FLT1: variants seen among roughly 807,000 people sequenced by gnomAD.
The protein encoded by FLT1 is vascular endothelial growth factor receptor 1.
FLT1 carries 49 observed loss-of-function variants against 156.3 expected under a neutral mutation model. That is an observed-to-expected ratio of 0.31 (90% CI 0.25 to 0.40). The LOEUF (loss-of-function observed/expected upper bound fraction) is 0.40, where lower values mean the gene tolerates loss of function less well. FLT1 is among the 10% of genes least tolerant of loss of function. The probability of loss-of-function intolerance (pLI) is 1.00; values close to 1 mark genes in which losing one functional copy is unlikely to be tolerated. For synonymous variants in FLT1, 594 were observed against 583.8 expected (o/e 1.02, Z -0.25); for missense variants, 1,322 against 1,637.2 (o/e 0.81, Z 3.32).
chr13:28,360,933 A>G, intron 14 of FLT1, among the ~76,000 whole-genome samples: 1 of 152,276 alleles, frequency 6.6e-6, no homozygotes. Context: ...TAATATTAAA[A>G]CATCACACTG....
chr13:28,445,685 C>G (rs950404058), intron 3 of FLT1, among the ~76,000 whole-genome samples: 1 of 152,090 alleles, frequency 6.6e-6, no homozygotes, highest in Non-Finnish European at 1.5e-5. Flanking sequence ...ACAACAACAA[C>G]AAGCTGCTCA....
At chr13:28,368,990 C>A (rs1052441951) in intron 14 of FLT1, among the ~76,000 whole-genome samples, 2 of 152,030 alleles carry the variant, frequency 1.3e-5, no homozygotes, top group African/African-American at 4.8e-5. Context: ...CAGGTGTGAG[C>A]CACTGTGCCT....
In FLT1 at chr13:28,442,701, TACACACACAC is replaced by T. The variant is rs111263665; in HGVS notation, c.389-4366_389-4357del. Among the ~76,000 whole-genome samples, 14 of 147,008 alleles carry T rather than the reference TACACACACAC, an allele frequency of 9.5e-5. 1 individual carries two copies. The South Asian group carries it at 1.5e-3, about 16-fold the overall frequency. On this transcript the variant is annotated intron_variant, in intron 3 of 29. Coordinates refer to ENST00000282397, the MANE Select transcript of FLT1 (RefSeq NM_002019.4). The stretch of plus-strand genomic sequence containing the variant: ...TTGCAAATGAGCATATGACTGTAGA[TACACACACAC>T]ACACACACACACACACACACACGAA...
rs2137491972 is a variant in FLT1, at chr13:28,405,796, A to T, written c.1535T>A (p.Ile512Lys). ...IESITQRMAI[I>K]EGKNKMASTL... ...AAACAATACCTTATTCTTTCCTTCTATTATTGCCATGCGCTGAGTGATGCT... is the reference window on the plus strand; with the variant it reads ...AAACAATACCTTATTCTTTCCTTCTTTTATTGCCATGCGCTGAGTGATGCT... The change falls in exon 11 of 30, where the codon ATA becomes AAA. Residue 512 changes from isoleucine to lysine, a missense_variant. Coordinates refer to ENST00000282397, the MANE Select transcript of FLT1 (RefSeq NM_002019.4). 6.3e-7 allele frequency: 1 copy of T among 1,583,576 alleles called. No homozygotes were observed. Among genetic ancestry groups the T allele is most frequent in the Non-Finnish European group, 8.7e-7 (1 of 1,152,626 alleles).
At chr13:28,419,700 A>C (rs1876881525) in intron 10 of FLT1, among the ~76,000 whole-genome samples, 1 of 152,196 alleles carries the variant, frequency 6.6e-6, no homozygotes, top group South Asian at 2.1e-4. Flanking sequence ...TAACATGGCG[A>C]AACCGCGTCT....
intron 1 of FLT1, among the ~76,000 whole-genome samples, chr13:28,487,391 C>G (rs1881224260): frequency 1.3e-5 from 2 of 152,200 alleles, no homozygotes; most frequent in South Asian, 4.1e-4. Context: ...ATGCTAGGTT[C>G]ACTTCAGGCC....
At chr13:28,412,389 T>TTTCTTTCTTTCCTTCTTTCTTTCC (rs1566013184) in intron 10 of FLT1, among the ~76,000 whole-genome samples, 1 of 139,122 alleles carries the variant, frequency 7.2e-6, no homozygotes, top group African/African-American at 2.7e-5. Context: ...TCTTTCTTTC[T>TTTCTTTCTTTCCTTCTTTCTTTCC]TTCTTTCTTT....
chr13:28,383,729 C>T (rs575027092), intron 14 of FLT1, among the ~76,000 whole-genome samples: 201 of 151,616 alleles, frequency 1.3e-3, no homozygotes, highest in Non-Finnish European at 2.5e-3. Context: ...CTTGAGAGGC[C>T]GAGGCATGAC....
chr13:28,429,416 A>G (rs781621644), intron 8 of FLT1, among the ~76,000 whole-genome samples: 3 of 152,210 alleles, frequency 2.0e-5, no homozygotes, highest in Non-Finnish European at 4.4e-5. Flanking sequence ...GTAATTTTGT[A>G]AAATGATTGC....
intron 10 of FLT1, among the ~76,000 whole-genome samples, chr13:28,406,458 G>A (rs998385233): frequency 2.0e-5 from 3 of 152,064 alleles, no homozygotes; most frequent in African/African-American, 7.2e-5. Flanking sequence ...AAATAAAGGT[G>A]TTGATGTTAT....
At chr13:28,410,003 A>G (rs1453604961) in intron 10 of FLT1, among the ~76,000 whole-genome samples, 1 of 152,156 alleles carries the variant, frequency 6.6e-6, no homozygotes, top group African/African-American at 2.4e-5. Flanking sequence ...TACAGTTTCT[A>G]TGAGAGCTCA....
At chr13:28,372,080 T>A (rs867358157) in intron 14 of FLT1, among the ~76,000 whole-genome samples, 10 of 26,446 alleles carry the variant, frequency 3.8e-4, no homozygotes, top group Non-Finnish European at 6.2e-4. Flanking sequence ...ATATATATTT[T>A]TTTTTTTTTT....
At chr13:28,490,512 C>G (rs534751942) in intron 1 of FLT1, among the ~76,000 whole-genome samples, 1 of 152,270 alleles carries the variant, frequency 6.6e-6, no homozygotes, top group Admixed American at 6.5e-5. Context: ...ATTTCCTTCC[C>G]CTCCCTCAAT....
intron 3 of FLT1, among the ~76,000 whole-genome samples, chr13:28,442,424 C>T (rs776979580): frequency 6.6e-5 from 10 of 152,022 alleles, no homozygotes; most frequent in Non-Finnish European, 8.8e-5. Context: ...AATACCAATC[C>T]CAAATGAAAA....
chr13:28,430,634 A>G (rs1339840753), intron 7 of FLT1, among the ~76,000 whole-genome samples: 3 of 152,182 alleles, frequency 2.0e-5, no homozygotes, highest in Admixed American at 1.3e-4. Context: ...CCTTTTCAGC[A>G]ATGGAAATAA....
At chr13:28,384,532 GT>G (rs755509374) in intron 14 of FLT1, among the ~76,000 whole-genome samples, 20 of 151,542 alleles carry the variant, frequency 1.3e-4, no homozygotes, top group Non-Finnish European at 2.7e-4. Context: ...GGTGTTCCAA[GT>G]TCTACAATAC....
At chr13:28,486,115 T>C (rs1881144538) in intron 1 of FLT1, among the ~76,000 whole-genome samples, 1 of 152,250 alleles carries the variant, frequency 6.6e-6, no homozygotes, top group Admixed American at 6.5e-5. Context: ...GTGTATGCTC[T>C]TTCTGTATTT....
rs568675045 is a variant in FLT1 at position 28,396,417 on chromosome 13, C to T, written c.1660+543G>A. On this transcript the variant is annotated intron_variant, in intron 12 of 29. Coordinates refer to ENST00000282397, the MANE Select transcript of FLT1 (RefSeq NM_002019.4). ...GTACCTTGGAGGTTTTTAAGATTTGCAGAGACCATCATATTTAAGGCTAAA... is the reference window on the plus strand; with the variant it reads ...GTACCTTGGAGGTTTTTAAGATTTGTAGAGACCATCATATTTAAGGCTAAA... Among the ~76,000 whole-genome samples, 25 of 152,188 alleles carry T rather than the reference C, an allele frequency of 1.6e-4. No homozygotes were observed. In the South Asian group the frequency reaches 5.2e-3, roughly 32 times the overall value.
In FLT1 at chr13:28,439,802, G is replaced by A. The variant is rs1189155945; in HGVS notation, c.389-1457C>T. ...AGCATGTAGGAAGAGGCGAGGGAGG[G>A]TTCTTCTGCAGGTTTCAGAAGGGGC... is the stretch of plus-strand genomic sequence containing the variant. On this transcript the variant is annotated intron_variant, in intron 3 of 29. Coordinates refer to ENST00000282397, the MANE Select transcript of FLT1 (RefSeq NM_002019.4). This position sits in a 1 kb window ranked among gnomAD's most constrained non-coding sequence, Gnocchi z 4.1. 6.6e-6 allele frequency among the ~76,000 whole-genome samples: 1 copy of A among 152,200 alleles called. No homozygotes were observed. Among genetic ancestry groups the A allele is most frequent in the Non-Finnish European group, 1.5e-5 (1 of 68,046 alleles).
Sources: allele counts gnomAD v4.1 joint callset (sites outside exome capture counted in the v4.1 genomes callset), GRCh38; gene constraint gnomAD v4.1.1; non-coding constraint Gnocchi (gnomAD v3.1); transcripts MANE v1.5; gene names NCBI Gene and HGNC (gene_info 2026-07-23, HGNC 2026-07-21).